Variants in SHC3 observed in about 807,000 individuals in gnomAD.
SHC3 encodes the protein SHC adaptor protein 3, also known as SHC-transforming protein 3.
Under a neutral mutation model 60.4 loss-of-function variants are expected in SHC3, and 15 were observed. The observed-to-expected ratio is 0.25, with a 90% CI of 0.17 to 0.38. The LOEUF (loss-of-function observed/expected upper bound fraction) is 0.38, where lower values mean the gene tolerates loss of function less well. Ranked by LOEUF, SHC3 falls within the 10% of genes least tolerant of loss-of-function variation. SHC3 has a pLI of 1.00. For missense variants in SHC3, 677 were observed against 786.1 expected (o/e 0.86, Z 1.66); for synonymous variants, 294 against 325.9 (o/e 0.90, Z 1.05).
intron 2 of SHC3, among the ~76,000 whole-genome samples, chr9:89,107,769 T>A (rs1825885221): frequency 6.6e-6 from 1 of 152,222 alleles, no homozygotes; most frequent in East Asian, 1.9e-4. Context: ...ATGACTGCTC[T>A]CTGTTCTAAT....
rs1239219205 is a variant in SHC3 at position 89,013,572 on chromosome 9, G to A, written c.1660C>T (p.Arg554Trp). The A allele has an allele frequency of 1.1e-5, 18 of 1,610,728 alleles. No individual in the cohort carries two copies. In the Admixed American group the frequency reaches 1.5e-4, roughly 14 times the overall value. Reference sequence around the variant, plus strand: ...CTGTCAAAGACTCTGTCCTTTGTCCGGATCTATGAATGAAGCAAAGGAAAG... The same window carrying A: ...CTGTCAAAGACTCTGTCCTTTGTCCAGATCTATGAATGAAGCAAAGGAAAG... ...LLLVDPEGTI[R>W]TKDRVFDSIS... The change falls in exon 12 of 12, where the codon CGG (arginine) becomes TGG (tryptophan). Residue 554 changes from arginine to tryptophan, a missense_variant. Arg to Trp is a moderately radical substitution (Grantham distance 101, BLOSUM62 -3). Transcript: ENST00000375835.
chr9:89,142,652 G>A (rs914580815), intron 1 of SHC3, among the ~76,000 whole-genome samples: 1 of 149,792 alleles, frequency 6.7e-6, no homozygotes, highest in African/African-American at 2.5e-5. Flanking sequence ...CTCCAGCCTG[G>A]GCGACAGAGT....
At chr9:89,166,968 C>A (rs1406226032) in intron 1 of SHC3, among the ~76,000 whole-genome samples, 1 of 152,122 alleles carries the variant, frequency 6.6e-6, no homozygotes, top group Non-Finnish European at 1.5e-5. Flanking sequence ...ACCAGCTGAG[C>A]TACTGCACTC....
chr9:89,083,548 G>A (rs1476279043), intron 2 of SHC3, among the ~76,000 whole-genome samples: 1 of 152,198 alleles, frequency 6.6e-6, no homozygotes, highest in African/African-American at 2.4e-5. Flanking sequence ...TAGAAATAGT[G>A]TCAGTGTGTA....
chr9:89,056,646 C>T (rs566227198), intron 6 of SHC3, among the ~76,000 whole-genome samples: 15 of 152,244 alleles, frequency 9.9e-5, no homozygotes, highest in Non-Finnish European at 1.5e-4. Flanking sequence ...CACTTTGCTT[C>T]GCCGCTCACC....
chr9:89,051,900 C>T (rs532028582), intron 7 of SHC3, 137 bp downstream of exon 7: 18 of 1,260,094 alleles, frequency 1.4e-5, no homozygotes, highest in East Asian at 2.5e-5. Flanking sequence ...ATCCCAGCAC[C>T]GACCAGGTGT....
chr9:89,017,052 C>T (rs1484774175), intron 11 of SHC3, among the ~76,000 whole-genome samples: 5 of 152,094 alleles, frequency 3.3e-5, no homozygotes, highest in East Asian at 1.9e-4. Context: ...GAATCGATAT[C>T]GTGAAAATGG....
chr9:89,034,794 A>G (rs1310406671), intron 11 of SHC3, among the ~76,000 whole-genome samples: 1 of 152,224 alleles, frequency 6.6e-6, no homozygotes, highest in Non-Finnish European at 1.5e-5. Flanking sequence ...AAGTTACTGG[A>G]GACTTATGCC....
chr9:89,040,806 G>A (rs1200549846), intron 10 of SHC3, among the ~76,000 whole-genome samples: 2 of 152,168 alleles, frequency 1.3e-5, no homozygotes, highest in Admixed American at 1.3e-4. Flanking sequence ...GATTATTTTT[G>A]TTAAGTCAAA....
intron 2 of SHC3, among the ~76,000 whole-genome samples, chr9:89,083,889 G>A (rs765775090): frequency 6.6e-6 from 1 of 152,282 alleles, no homozygotes; most frequent in Non-Finnish European, 1.5e-5. Flanking sequence ...GCACGTAGGA[G>A]CCCAGGCACC....
At chr9:89,165,349 A>C (rs1826771401) in intron 1 of SHC3, among the ~76,000 whole-genome samples, 1 of 152,058 alleles carries the variant, frequency 6.6e-6, no homozygotes, top group Non-Finnish European at 1.5e-5. Flanking sequence ...AGAAGAATAA[A>C]ATTAGTAAGT....
intron 2 of SHC3, chr9:89,109,770 T>A: frequency 2.0e-6 from 2 of 985,520 alleles, no homozygotes. Context: ...TCACCAGGGC[T>A]TGTTTGCTCT....
At chr9:89,040,264 G>T (rs111938606) in intron 10 of SHC3, among the ~76,000 whole-genome samples, 4 of 3,836 alleles carry the variant, frequency 1.0e-3, no homozygotes, top group Admixed American at 2.8e-3. Context: ...ATTACCATCA[G>T]CAGCAGCACC....
At chr9:89,110,309 T>C in intron 2 of SHC3, 1 of 984,678 alleles carries the variant, frequency 1.0e-6, no homozygotes, top group Non-Finnish European at 1.2e-6. Context: ...CTTATAAAAA[T>C]ATTTTTTAAT....
At chr9:89,092,441 C>T (rs558766233) in intron 2 of SHC3, among the ~76,000 whole-genome samples, 1 of 151,856 alleles carries the variant, frequency 6.6e-6, no homozygotes. Context: ...CACGGTGAAA[C>T]CCCATCTCTA....
intron 11 of SHC3, among the ~76,000 whole-genome samples, chr9:89,020,127 T>C (rs1342238894): frequency 6.6e-6 from 1 of 152,210 alleles, no homozygotes; most frequent in Non-Finnish European, 1.5e-5. Flanking sequence ...AATTAAAATA[T>C]GCTTCTTCCC....
At chr9:89,019,655 A>G (rs1253167041) in intron 11 of SHC3, among the ~76,000 whole-genome samples, 2 of 152,232 alleles carry the variant, frequency 1.3e-5, no homozygotes, top group Admixed American at 1.3e-4. Flanking sequence ...TACCATTTAC[A>G]TTGGCACCCC....
chr9:89,038,877 A>T (rs1478551821), intron 10 of SHC3, among the ~76,000 whole-genome samples: 1 of 152,068 alleles, frequency 6.6e-6, no homozygotes, highest in Non-Finnish European at 1.5e-5. Context: ...CTTAACCTTC[A>T]CTTGTTTCCC....
chr9:89,127,256 C>T (rs542103928), intron 1 of SHC3, among the ~76,000 whole-genome samples: 1 of 152,188 alleles, frequency 6.6e-6, no homozygotes, highest in East Asian at 1.9e-4. Context: ...TCTGGCTTCC[C>T]TTATTGAATT....
Sources: allele counts gnomAD v4.1 joint callset (sites outside exome capture counted in the v4.1 genomes callset), GRCh38; gene constraint gnomAD v4.1.1; transcripts MANE v1.5; gene names NCBI Gene and HGNC (gene_info 2026-07-23, HGNC 2026-07-21).